The following MCHR2 variants were observed in gnomAD, a reference collection of about 807,000 sequenced individuals.
The protein encoded by MCHR2 is melanin concentrating hormone receptor 2, also known as melanin-concentrating hormone receptor 2.
A neutral mutation model predicts 24.8 loss-of-function variants in MCHR2; 15 were observed. That is an observed-to-expected ratio of 0.60 (90% CI 0.40 to 0.93). The LOEUF (loss-of-function observed/expected upper bound fraction) is 0.93, where lower values mean the gene tolerates loss of function less well. Among genes scored for constraint, MCHR2 ranks in the 40% least tolerant of loss-of-function variants. The pLI, the probability that MCHR2 is intolerant of heterozygous loss-of-function variation, is 0.00. For missense variants in MCHR2, 386 were observed against 408.7 expected, an observed-to-expected ratio of 0.94 and a Z score of 0.48; for synonymous variants, 151 against 147.6, an observed-to-expected ratio of 1.02 and a Z score of -0.17.
At chr6:99,924,196 C>G (rs899660619) in intron 5 of MCHR2, among the ~76,000 whole-genome samples, 1 of 152,008 alleles carries the variant, frequency 6.6e-6, no homozygotes, top group Non-Finnish European at 1.5e-5. Context: ...TAATGGCATA[C>G]AGTTGCTCAT....
intron 1 of MCHR2, among the ~76,000 whole-genome samples, chr6:99,968,573 T>A (rs1004912971): frequency 6.6e-6 from 1 of 152,130 alleles, no homozygotes; most frequent in Non-Finnish European, 1.5e-5. Context: ...GAGTTGGTGA[T>A]CATGATGTAA....
intron 1 of MCHR2, among the ~76,000 whole-genome samples, chr6:99,971,390 T>C (rs1288624967): frequency 6.6e-6 from 1 of 151,974 alleles, no homozygotes; most frequent in East Asian, 1.9e-4. Flanking sequence ...AGAATGCTTG[T>C]GATTTTTGTA....
At chr6:99,961,932 C>A (rs760330329) in intron 1 of MCHR2, among the ~76,000 whole-genome samples, 1 of 152,108 alleles carries the variant, frequency 6.6e-6, no homozygotes, top group Admixed American at 6.6e-5. Flanking sequence ...GACAGCCAAA[C>A]TAGCACGAAT....
intron 1 of MCHR2, among the ~76,000 whole-genome samples, chr6:99,989,744 G>T (rs1413636924): frequency 6.6e-6 from 1 of 151,978 alleles, no homozygotes; most frequent in Non-Finnish European, 1.5e-5. Context: ...TGATACAGAG[G>T]CTCTCTGTAA....
At chr6:99,948,063 T>C (rs546051150) in intron 2 of MCHR2, 92 bp from the exon 3 acceptor site, 8 of 1,104,816 alleles carry the variant, frequency 7.2e-6, no homozygotes, top group Admixed American at 2.5e-5. Flanking sequence ...ATTGACATAA[T>C]GCATTTTAAA....
chr6:99,949,150 C>CA (rs1442339551), intron 2 of MCHR2, among the ~76,000 whole-genome samples: 5 of 152,046 alleles, frequency 3.3e-5, no homozygotes, highest in African/African-American at 1.2e-4. Context: ...TTCATTAATT[C>CA]AAAAAACATT....
chr6:99,991,211 C>T (rs1024616377), intron 1 of MCHR2, among the ~76,000 whole-genome samples: 3 of 151,986 alleles, frequency 2.0e-5, no homozygotes, highest in African/African-American at 7.2e-5. Context: ...GAGACCCTAG[C>T]GGTGAATACA....
intron 3 of MCHR2, among the ~76,000 whole-genome samples, chr6:99,944,900 T>C (rs538454940): frequency 6.6e-6 from 1 of 152,264 alleles, no homozygotes; most frequent in Non-Finnish European, 1.5e-5. Flanking sequence ...TCTCTTGACT[T>C]CCTCAAGCTC....
At chr6:99,927,327 T>C (rs1168514797) in intron 5 of MCHR2, among the ~76,000 whole-genome samples, 2 of 152,220 alleles carry the variant, frequency 1.3e-5, no homozygotes, top group African/African-American at 2.4e-5. Context: ...GGGCTCTTTT[T>C]TGGTTCCATA....
chr6:99,921,486 A>T (rs1346592878), intron 5 of MCHR2, among the ~76,000 whole-genome samples: 1 of 152,026 alleles, frequency 6.6e-6, no homozygotes, highest in East Asian at 1.9e-4. Flanking sequence ...AATTTTTTAA[A>T]TTTTTTGTGG....
chr6:99,944,388 T>C (rs1478042261), intron 3 of MCHR2, among the ~76,000 whole-genome samples: 2 of 152,156 alleles, frequency 1.3e-5, no homozygotes, highest in Non-Finnish European at 2.9e-5. Context: ...TAGTAGAAAT[T>C]AAACAAATGT....
At chr6:99,965,228 C>G (rs1470304979) in intron 1 of MCHR2, among the ~76,000 whole-genome samples, 1 of 152,168 alleles carries the variant, frequency 6.6e-6, no homozygotes, top group Admixed American at 6.6e-5. Context: ...ACTCTCTGTT[C>G]TCTTCTTTAT....
chr6:99,972,691 G>A (rs1480537499), intron 1 of MCHR2, among the ~76,000 whole-genome samples: 1 of 151,966 alleles, frequency 6.6e-6, no homozygotes, highest in South Asian at 2.1e-4. Context: ...TTTCTTTTCT[G>A]GGCATTTAGT....
intron 1 of MCHR2, among the ~76,000 whole-genome samples, chr6:99,965,757 T>G (rs1351715173): frequency 1.3e-5 from 2 of 152,160 alleles, no homozygotes; most frequent in African/African-American, 4.8e-5. Context: ...TATGCATTTT[T>G]TAAAATGATG....
At chr6:99,937,047 A>G (rs887049112) in intron 4 of MCHR2, among the ~76,000 whole-genome samples, 4 of 151,802 alleles carry the variant, frequency 2.6e-5, no homozygotes, top group African/African-American at 9.7e-5. Context: ...ATTGATTTTT[A>G]TACATTCATT....
rs1247482198 is a variant in MCHR2, at chr6:99,943,019, T to C, written c.517A>G (p.Lys173Glu). The change falls in exon 4 of 6, where the codon AAG becomes GAG. Residue 173 changes from lysine to glutamate, a missense_variant. Transcript: ENST00000281806. ...ACACCGTCTTTAAATTTGATGACCT[T>C]CGAGTAGACCCAGACAGGCAATGCC... ...ILALPVWVYS[K>E]VIKFKDGVES... 6.2e-7 allele frequency: 1 copy of C among 1,613,020 alleles called. No individual in the cohort carries two copies. Among genetic ancestry groups the C allele is most frequent in the South Asian group, 1.1e-5 (1 of 90,980 alleles).
At chr6:99,966,307 C>A (rs757467481) in intron 1 of MCHR2, among the ~76,000 whole-genome samples, 2 of 152,092 alleles carry the variant, frequency 1.3e-5, no homozygotes, top group Non-Finnish European at 2.9e-5. Flanking sequence ...TGTTTACTAT[C>A]TCCTGTAAAT....
chr6:99,970,348 T>TA (rs1775381912), intron 1 of MCHR2, among the ~76,000 whole-genome samples: 1 of 152,254 alleles, frequency 6.6e-6, no homozygotes, highest in Non-Finnish European at 1.5e-5. Flanking sequence ...TTTGGCTGCA[T>TA]AAATATCTTC....
intron 1 of MCHR2, among the ~76,000 whole-genome samples, chr6:99,962,292 A>G (rs1224531779): frequency 6.6e-6 from 1 of 152,190 alleles, no homozygotes; most frequent in African/African-American, 2.4e-5. Context: ...AAATGAAGTT[A>G]GATAGCATGA....
Sources: allele counts gnomAD v4.1 joint callset (sites outside exome capture counted in the v4.1 genomes callset), GRCh38; gene constraint gnomAD v4.1.1; transcripts MANE v1.5; gene names NCBI Gene and HGNC (gene_info 2026-07-23, HGNC 2026-07-21).